Variants in SMC6 observed in about 807,000 individuals in gnomAD.
SMC6 encodes the protein structural maintenance of chromosomes protein 6.
SMC6 carries 79 observed loss-of-function variants against 142.2 expected under a neutral mutation model. The ratio of observed to expected loss-of-function variants is 0.56; its 90% confidence interval spans 0.46 to 0.67. SMC6 has a LOEUF of 0.67. Ranked by LOEUF, SMC6 falls within the 30% of genes least tolerant of loss-of-function variation. The probability of loss-of-function intolerance (pLI) is 0.00; values close to 1 mark genes in which losing one functional copy is unlikely to be tolerated. For missense variants in SMC6, 1,072 were observed against 1,284.0 expected, an observed-to-expected ratio of 0.83 and a Z score of 2.52; for synonymous variants, 411 against 412.4, an observed-to-expected ratio of 1.00 and a Z score of 0.04.
chr2:17,726,087 T>TAAAAAAAAAAAAAAAAAAAAAAAAAAA (rs35471536), intron 8 of SMC6, among the ~76,000 whole-genome samples: 2 of 54,966 alleles, frequency 3.6e-5, no homozygotes, highest in African/African-American at 1.8e-4. Flanking sequence ...GGCTCTGTCT[T>TAAAAAAAAAAAAAAAAAAAAAAAAAAA]AAAAAAAAAA....
chr2:17,714,882 T>C lies in SMC6; in HGVS notation c.1709A>G (p.Glu570Gly), dbSNP rs1669002580. 1 of 1,612,856 alleles carries C rather than the reference T, an allele frequency of 6.2e-7. No individual in the cohort carries two copies. The highest frequency in any genetic ancestry group is 8.5e-7 in the Non-Finnish European group (1 of 1,179,674). The change falls in exon 16 of 28, where the codon GAG becomes GGG. Residue 570 changes from glutamate to glycine, a missense_variant. Physicochemically the swap from Glu to Gly is moderately conservative, Grantham distance 98 (BLOSUM62 -2). Around this residue, in one of 3 missense-constraint regions of SMC6, gnomAD observed 994 missense variants for 1,153.2 expected, o/e 0.86. Coordinates refer to ENST00000448223, the MANE Select transcript of SMC6 (RefSeq NM_001142286.2). ...TTACCTGTGTCTTACATCATATATC[T>C]CATTCCGAAACTCAGAAACTATTAT... ...PPIIVSEFRNEIYDVRHRAAY... is the reference protein window; with the variant it reads ...PPIIVSEFRNGIYDVRHRAAY...
At chr2:17,712,278 G>A (rs1367092389) in intron 16 of SMC6, among the ~76,000 whole-genome samples, 2 of 152,138 alleles carry the variant, frequency 1.3e-5, no homozygotes, top group Admixed American at 6.5e-5. Flanking sequence ...TAAAAGAAAC[G>A]CAAATCAGAG....
chr2:17,726,072 A>AAG (rs1669602045), intron 8 of SMC6, among the ~76,000 whole-genome samples: 1 of 128,008 alleles, frequency 7.8e-6, no homozygotes, highest in African/African-American at 3.1e-5. Context: ...TGGAAGACAG[A>AAG]GCAAGGCTCT....
chr2:17,709,088 G>T lies in SMC6; in HGVS notation c.1731-335C>A, dbSNP rs576484140. Among the ~76,000 whole-genome samples, 7 of 152,136 alleles carry T rather than the reference G, an allele frequency of 4.6e-5. No homozygotes were observed. The South Asian group carries it at 1.5e-3, about 32-fold the overall frequency. Reference sequence around the variant, plus strand: ...TCAGATAAGGATGCTTCAGAGAGTTGAGTATGTTCCCCAACGTCATGAAGC... The same window carrying T: ...TCAGATAAGGATGCTTCAGAGAGTTTAGTATGTTCCCCAACGTCATGAAGC... On this transcript the variant is annotated intron_variant, in intron 16 of 27. Coordinates refer to ENST00000448223, the MANE Select transcript of SMC6 (RefSeq NM_001142286.2).
At chr2:17,736,304 T>C (rs1394358384) in intron 5 of SMC6, among the ~76,000 whole-genome samples, 1 of 152,172 alleles carries the variant, frequency 6.6e-6, no homozygotes, top group Non-Finnish European at 1.5e-5. Flanking sequence ...AATATAACTA[T>C]TTCACTCTAC....
intron 20 of SMC6, among the ~76,000 whole-genome samples, chr2:17,700,973 G>A (rs1258425126): frequency 6.6e-6 from 1 of 151,824 alleles, no homozygotes; most frequent in Non-Finnish European, 1.5e-5. Context: ...AGAGGTTGCA[G>A]TGAGCCAAGA....
In SMC6 at chr2:17,707,254, A is replaced by C; in HGVS notation, c.1971T>G (p.Pro657=). 1 of 1,601,028 alleles carries C rather than the reference A, an allele frequency of 6.2e-7. No homozygotes were observed. The highest frequency in any genetic ancestry group is 8.5e-7 in the Non-Finnish European group (1 of 1,174,678). ...GRYYSSENTR[P]KFLSRDVDSE... ...AATCCACATCTCTGCTTAGGAACTTAGGTCTTGTATTTTCAGATGAATAAT... is the reference window on the plus strand; with the variant it reads ...AATCCACATCTCTGCTTAGGAACTTCGGTCTTGTATTTTCAGATGAATAAT... The change falls in exon 18 of 28, where the codon CCT becomes CCG. Residue 657 remains proline, a synonymous_variant. Transcript: ENST00000448223.
At chr2:17,742,709 T>A (rs961534182) in intron 3 of SMC6, among the ~76,000 whole-genome samples, 2 of 152,220 alleles carry the variant, frequency 1.3e-5, no homozygotes, top group African/African-American at 4.8e-5. Flanking sequence ...AGTAGAACAC[T>A]GGAAATCATG....
chr2:17,718,096 C>T lies in SMC6; in HGVS notation c.1073G>A (p.Arg358Lys), dbSNP rs200467297. ...TCTCACCTCAGCTTCATTATAGGCC[C>T]TTTTCTTAGCAACAACATCTGCTTT... Reference protein sequence around the residue: ...ALKADVVAKKRAYNEAEVLYN... With the variant: ...ALKADVVAKKKAYNEAEVLYN... Residue 358 changes from arginine to lysine, a missense_variant, in exon 12 of 28, where the codon AGG becomes AAG. Around this residue, in one of 3 missense-constraint regions of SMC6, gnomAD observed 994 missense variants for 1,153.2 expected, o/e 0.86. Coordinates refer to ENST00000448223, the MANE Select transcript of SMC6 (RefSeq NM_001142286.2). 12 of 1,609,044 alleles carry T rather than the reference C, an allele frequency of 7.5e-6. No individual in the cohort carries two copies. The East Asian group carries it at 2.5e-4, about 33-fold the overall frequency.
At chr2:17,667,332 C>G (rs1294680300) in intron 26 of SMC6, among the ~76,000 whole-genome samples, 1 of 152,186 alleles carries the variant, frequency 6.6e-6, no homozygotes, top group Non-Finnish European at 1.5e-5. Context: ...AGACCAATTT[C>G]TCAATTATAT....
intron 12 of SMC6, among the ~76,000 whole-genome samples, chr2:17,717,706 G>A (rs180842261): frequency 3.3e-5 from 5 of 151,290 alleles, no homozygotes; most frequent in Admixed American, 3.3e-4. Flanking sequence ...AAGAGGCTGG[G>A]TGCAGAGGTT....
At chr2:17,752,915 C>A in intron 2 of SMC6, 63 bp downstream of exon 2, 1 of 621,720 alleles carries the variant, frequency 1.6e-6, no homozygotes, top group Non-Finnish European at 2.0e-6. Context: ...TAAGCGCTCA[C>A]AAAACTTCTG....
chr2:17,700,282 T>C lies in SMC6; in HGVS notation c.2320A>G (p.Ile774Val), dbSNP rs1668206082. ...GCATCATACTTATTTTCTGCTTCTA[T>C]TTTCAGACTTTTAAGATGCTCCATA... ...ENMEHLKSLKIEAENKYDAIK... is the reference protein window; with the variant it reads ...ENMEHLKSLKVEAENKYDAIK... The change falls in exon 21 of 28, where the codon ATA (isoleucine) becomes GTA (valine). Residue 774 changes from isoleucine (I) to valine (V), a missense_variant. Coordinates refer to ENST00000448223, the MANE Select transcript of SMC6 (RefSeq NM_001142286.2). The C allele has an allele frequency of 6.2e-7, 1 of 1,611,356 alleles. No homozygotes were observed. The highest frequency in any genetic ancestry group is 1.3e-5 in the African/African-American group (1 of 74,836).
chr2:17,665,600 T>C lies in SMC6; in HGVS notation c.3175A>G (p.Ser1059Gly), dbSNP rs954732496. ...TPQSMSSLPS[S>G]KLIRILRMSD... ...ATTCGGAGAATTCTTATCAGTTTAC[T>C]GGATGGAAGTGAACTAGAAGAAGCA... The change falls in exon 28 of 28, where the codon AGT becomes GGT. Residue 1059 changes from serine (S) to glycine (G), a missense_variant. Physicochemically the swap from Ser to Gly is moderately conservative, Grantham distance 56 (BLOSUM62 0). Coordinates refer to ENST00000448223, the MANE Select transcript of SMC6 (RefSeq NM_001142286.2). The C allele has an allele frequency of 1.2e-6, 2 of 1,605,596 alleles. No individual in the cohort carries two copies. The highest frequency in any genetic ancestry group is 1.3e-5 in the African/African-American group (1 of 74,654).
intron 19 of SMC6, 82 bp from the exon 20 acceptor site, chr2:17,701,991 A>C: frequency 1.4e-6 from 1 of 716,272 alleles, no homozygotes; most frequent in Non-Finnish European, 2.4e-6. Flanking sequence ...TAATCTACAA[A>C]GCTCTATAAT....
Position 17,731,137 on chromosome 2 carries a change from A to C in SMC6, c.484T>G (p.Ser162Ala). Residue 162 changes from serine (S) to alanine (A), a missense_variant and splice_region_variant, in exon 7 of 28, where the codon TCC becomes GCC. Around this residue, in one of 3 missense-constraint regions of SMC6, gnomAD observed 994 missense variants for 1,153.2 expected, o/e 0.86. Coordinates refer to ENST00000448223, the MANE Select transcript of SMC6 (RefSeq NM_001142286.2). ...TCTTCTTTCCTCGTGGAAACCACGG[A>C]GCCTAGTTATAAGAAACATATGAAA... ...RSYKLKSATG[S>A]VVSTRKEELI... The C allele has an allele frequency of 6.2e-7, 1 of 1,609,930 alleles. No individual in the cohort carries two copies.
At chr2:17,670,799 C>G (rs1172097474) in intron 25 of SMC6, among the ~76,000 whole-genome samples, 1 of 152,070 alleles carries the variant, frequency 6.6e-6, no homozygotes, top group South Asian at 2.1e-4. Flanking sequence ...AACTGAAAAC[C>G]TTTTTCACCA....
chr2:17,689,365 C>T (rs996952349), intron 23 of SMC6, among the ~76,000 whole-genome samples: 19 of 152,150 alleles, frequency 1.2e-4, no homozygotes, highest in Admixed American at 7.2e-4. Context: ...CGTGGAGAAC[C>T]GTCAACATTG....
At chr2:17,736,955 G>A (rs906970444) in intron 5 of SMC6, among the ~76,000 whole-genome samples, 6 of 152,086 alleles carry the variant, frequency 3.9e-5, no homozygotes, top group Admixed American at 3.9e-4. Context: ...AACTGAAATA[G>A]AGTTGATACT....
Sources: gnomAD v4.1 joint callset for allele counts (sites outside exome capture counted in the v4.1 genomes callset) on GRCh38, gnomAD v4.1.1 for gene constraint, gnomAD v4.1.1 regional missense constraint, MANE v1.5 for transcripts, NCBI Gene and HGNC (gene_info 2026-07-23, HGNC 2026-07-21) for gene names.